RBFOX3: variants seen among roughly 807,000 people sequenced by gnomAD.
RBFOX3 encodes the protein RNA binding fox-1 homolog 3.
Under a neutral mutation model 48.7 loss-of-function variants are expected in RBFOX3, and 17 were observed. The ratio of observed to expected loss-of-function variants is 0.35; its 90% CI spans 0.24 to 0.52. RBFOX3 has a LOEUF of 0.52. Among genes scored for constraint, RBFOX3 ranks in the 20% least tolerant of loss-of-function variants. RBFOX3 has a pLI of 0.94. For synonymous variants in RBFOX3, 212 were observed against 209.5 expected, an observed-to-expected ratio of 1.01 and a Z score of -0.10; for missense variants, 382 against 497.5, an observed-to-expected ratio of 0.77 and a Z score of 2.21.
In RBFOX3 at chr17:79,208,067, C is replaced by T. The variant is rs1034394832; in HGVS notation, c.-34+27699G>A. On this transcript the variant is annotated intron_variant, in intron 4 of 14. Transcript: ENST00000693108. ...CCCTCCCTTTGTTCTCCCCTCACGC[C>T]CTTCTTCCTGCGTCTGGAGGGAAAG... is the stretch of plus-strand genomic sequence containing the variant. Among the ~76,000 whole-genome samples, 4 of 152,138 alleles carry T rather than the reference C, an allele frequency of 2.6e-5. No individual in the cohort carries two copies. The South Asian group carries it at 8.3e-4, about 32-fold the overall frequency.
intron 2 of RBFOX3, among the ~76,000 whole-genome samples, chr17:79,341,314 C>T (rs1258355337): frequency 6.6e-6 from 1 of 152,222 alleles, no homozygotes; most frequent in Non-Finnish European, 1.5e-5. Context: ...TGTGTGTATG[C>T]ATGCACAGAA....
chr17:79,607,640 C>A, intron 1 of RBFOX3, among the ~76,000 whole-genome samples: 1 of 152,276 alleles, frequency 6.6e-6, no homozygotes, highest in Non-Finnish European at 1.5e-5. Context: ...GGGGAGGGGG[C>A]AGATAAACCA....
chr17:79,261,747 C>T (rs1000904217), intron 3 of RBFOX3, among the ~76,000 whole-genome samples: 4 of 152,318 alleles, frequency 2.6e-5, no homozygotes, highest in Admixed American at 1.3e-4. Context: ...CCACGGGGAC[C>T]TTGGTGTGAA....
chr17:79,472,147 G>T (rs1423103060), intron 2 of RBFOX3, among the ~76,000 whole-genome samples: 6 of 152,194 alleles, frequency 3.9e-5, no homozygotes, highest in Non-Finnish European at 7.3e-5. Flanking sequence ...TGCCCACTTG[G>T]CCTCCATCCC....
intron 4 of RBFOX3, among the ~76,000 whole-genome samples, chr17:79,125,173 T>G (rs1311170399): frequency 6.6e-6 from 1 of 152,166 alleles, no homozygotes; most frequent in Non-Finnish European, 1.5e-5. Flanking sequence ...GGGCGAGGGC[T>G]TCCCTAGCCC....
chr17:79,155,742 G>T (rs979398026), intron 4 of RBFOX3, among the ~76,000 whole-genome samples: 20 of 152,234 alleles, frequency 1.3e-4, no homozygotes, highest in African/African-American at 4.6e-4. Flanking sequence ...AGGACTGGAG[G>T]GTGGGTGGTG....
chr17:79,141,880 A>G (rs760114877), intron 4 of RBFOX3, among the ~76,000 whole-genome samples: 2 of 152,212 alleles, frequency 1.3e-5, no homozygotes, highest in Non-Finnish European at 2.9e-5. Context: ...GGGCACCCCA[A>G]GGGAGCTCTG....
intron 2 of RBFOX3, among the ~76,000 whole-genome samples, chr17:79,470,465 T>A (rs1555756376): frequency 6.6e-6 from 1 of 151,016 alleles, no homozygotes; most frequent in East Asian, 1.9e-4. Context: ...ATAAGCAGAG[T>A]CTCATAAAAT....
At chr17:79,577,880 C>G (rs1178299142) in intron 1 of RBFOX3, among the ~76,000 whole-genome samples, 3 of 152,226 alleles carry the variant, frequency 2.0e-5, no homozygotes, top group African/African-American at 7.2e-5. Context: ...CAATGCCAGG[C>G]TAGGTCCCCC....
rs137924030 is a variant in RBFOX3 at position 79,393,231 on chromosome 17, G to A, written c.-174-85407C>T. Among the ~76,000 whole-genome samples the A allele has an allele frequency of 2.3e-3, 356 of 152,318 alleles. 3 individuals are homozygous for A. Among genetic ancestry groups the A allele is most frequent in the African/African-American group, 8.2e-3 (343 of 41,576 alleles). Reference sequence around the variant, plus strand: ...GGGGTTTCACAGTTCAGTTCCACCCGCGTAGCCGCCTGCTGCAGCACAGGG... The same window carrying A: ...GGGGTTTCACAGTTCAGTTCCACCCACGTAGCCGCCTGCTGCAGCACAGGG... On this transcript the variant is annotated intron_variant, in intron 2 of 14. Transcript: ENST00000693108.
chr17:79,352,102 T>C (rs1055326555), intron 2 of RBFOX3, among the ~76,000 whole-genome samples: 7 of 152,138 alleles, frequency 4.6e-5, no homozygotes, highest in Non-Finnish European at 8.8e-5. Context: ...TGTCCTGCCT[T>C]TTCCTCCTTT....
chr17:79,380,761 G>A (rs187074748), intron 2 of RBFOX3, among the ~76,000 whole-genome samples: 9 of 151,642 alleles, frequency 5.9e-5, no homozygotes, highest in East Asian at 3.9e-4. Flanking sequence ...TTCTACCTGC[G>A]TGCTCTGGTG....
chr17:79,618,686 G>A, the RBFOX3 span, among the ~76,000 whole-genome samples: 2 of 152,234 alleles, frequency 1.3e-5, no homozygotes, highest in Non-Finnish European at 2.9e-5. Context: ...GGGTGTCCAC[G>A]TGATGAGAAA....
At chr17:79,149,620 G>A (rs964430630) in intron 4 of RBFOX3, among the ~76,000 whole-genome samples, 3 of 152,168 alleles carry the variant, frequency 2.0e-5, no homozygotes, top group East Asian at 2.0e-4. Context: ...TGCCTTCCCC[G>A]CCAGCTGGAC....
rs4789967 is a variant in RBFOX3, at chr17:79,243,223, C to G, written c.-73-7418G>C. ...TTGCGCGAGACCCACCTGACCACAA[C>G]CTTGTGCTTAGAGCTGATTATTCTG... On this transcript the variant is annotated intron_variant, in intron 3 of 14. Transcript: ENST00000693108. This position sits in a 1 kb window ranked among gnomAD's most constrained non-coding sequence, Gnocchi z 7.9. Among the ~76,000 whole-genome samples, 130,782 of 152,070 alleles carry G rather than the reference C, an allele frequency of 0.86. 56,753 individuals carry two copies. The highest frequency in any genetic ancestry group is 0.92 in the Non-Finnish European group (62,525 of 67,996).
At chr17:79,227,993 C>A (rs767574868) in intron 4 of RBFOX3, among the ~76,000 whole-genome samples, 3 of 152,164 alleles carry the variant, frequency 2.0e-5, no homozygotes, top group Non-Finnish European at 4.4e-5. Context: ...AGGGGCCCTG[C>A]GGTCAGCGTC....
At chr17:79,657,199 A>G in the RBFOX3 span, among the ~76,000 whole-genome samples, 1 of 152,200 alleles carries the variant, frequency 6.6e-6, no homozygotes, top group African/African-American at 2.4e-5. Context: ...AAGCAGCCAC[A>G]CGGCAAATGG....
intron 2 of RBFOX3, among the ~76,000 whole-genome samples, chr17:79,329,601 G>A (rs1222141871): frequency 6.6e-6 from 1 of 152,060 alleles, no homozygotes; most frequent in African/African-American, 2.4e-5. Context: ...TGCATGCCTG[G>A]TGGGGGCTCT....
chr17:79,655,501 T>G, the RBFOX3 span, among the ~76,000 whole-genome samples: 848 of 152,262 alleles, frequency 5.6e-3, 16 homozygotes, highest in Admixed American at 0.018. Flanking sequence ...TTCCAAAAGC[T>G]CTGAAAGCCT....
Sources: gnomAD v4.1 joint callset for allele counts (sites outside exome capture counted in the v4.1 genomes callset) on GRCh38, gnomAD v4.1.1 for gene constraint, Gnocchi (gnomAD v3.1) non-coding constraint, MANE v1.5 for transcripts, NCBI Gene and HGNC (gene_info 2026-07-23, HGNC 2026-07-21) for gene names.